Variants in SCN2A observed in about 807,000 individuals in gnomAD.
SCN2A encodes the protein sodium voltage-gated channel alpha subunit 2.
A neutral mutation model predicts 188.7 loss-of-function variants in SCN2A; 20 were observed. The ratio of observed to expected loss-of-function variants is 0.11; its 90% CI spans 0.07 to 0.15. SCN2A has a LOEUF of 0.15. Among genes scored for constraint, SCN2A ranks in the 10% least tolerant of loss-of-function variants. The probability of loss-of-function intolerance (pLI) is 1.00; values close to 1 mark genes in which losing one functional copy is unlikely to be tolerated. For synonymous variants in SCN2A, 804 were observed against 833.1 expected (o/e 0.97, Z 0.60); for missense variants, 1,278 against 2,445.0 (o/e 0.52, Z 10.07).
intron 26 of SCN2A, among the ~76,000 whole-genome samples, chr2:165,387,947 C>A (rs922362783): frequency 6.6e-6 from 1 of 152,074 alleles, no homozygotes; most frequent in African/African-American, 2.4e-5. Context: ...AGAGAAGTTA[C>A]CTCAGCTCTC....
At chr2:165,333,769 A>C (rs879192435) in intron 14 of SCN2A, among the ~76,000 whole-genome samples, 2 of 151,694 alleles carry the variant, frequency 1.3e-5, no homozygotes, top group Admixed American at 1.3e-4. Flanking sequence ...ACCTGAAGTT[A>C]ACAGAAAAGA....
At chr2:165,358,436 A>T (rs1700287691) in intron 17 of SCN2A, among the ~76,000 whole-genome samples, 1 of 152,166 alleles carries the variant, frequency 6.6e-6, no homozygotes, top group Admixed American at 6.6e-5. Context: ...TATAATATTT[A>T]TCTGCTTCAT....
chr2:165,309,301 AC>A (rs1697305505), intron 5 of SCN2A, 50 bp from the exon 6 acceptor site: 1 of 1,613,364 alleles, frequency 6.2e-7, no homozygotes, highest in African/African-American at 1.3e-5. Context: ...TATATCTCCA[AC>A]TGTTTCTTGT....
Position 165,341,605 on chromosome 2 carries a change from G to A in SCN2A, c.2389-691G>A, listed in dbSNP as rs1699325152. On this transcript the variant is annotated intron_variant, in intron 14 of 26. Coordinates refer to ENST00000375437, the MANE Select transcript of SCN2A (RefSeq NM_001040142.2). ...GAAGAGAAAGGCAAAGCACAGTTAC[G>A]GATGTAAGTAGTCTAGTAGATAAAG... Among the ~76,000 whole-genome samples the A allele has an allele frequency of 2.6e-5, 4 of 152,284 alleles. No individual in the cohort carries two copies. The South Asian group carries it at 8.3e-4, about 32-fold the overall frequency.
Position 165,389,817 on chromosome 2 carries a change from A to C in SCN2A, c.6011A>C (p.Lys2004Thr). Residue 2004 changes from lysine to threonine, a missense_variant, in exon 27 of 27, where the codon AAA becomes ACA. Around this residue, in one of 17 missense-constraint regions of SCN2A, gnomAD observed 109 missense variants for 137.9 expected, o/e 0.79. Coordinates refer to ENST00000375437, the MANE Select transcript of SCN2A (RefSeq NM_001040142.2). The surrounding 1 kb of genome is among the most constrained non-coding windows in gnomAD (Gnocchi z 4.2). ...AAAGGGAAAGATATCAGGGAAAGTA[A>C]AAAGTAAAAAGAAACCAAGAATTTT... Reference protein sequence around the residue: ...EDKGKDIRESKK With the variant: ...EDKGKDIRESTK 6.2e-7 allele frequency: 1 copy of C among 1,606,524 alleles called. No homozygotes were observed. The highest frequency in any genetic ancestry group is 8.5e-7 in the Non-Finnish European group (1 of 1,176,180).
At chr2:165,250,133 A>T (rs1201027742) in intron 1 of SCN2A, among the ~76,000 whole-genome samples, 1 of 152,008 alleles carries the variant, frequency 6.6e-6, no homozygotes, top group Non-Finnish European at 1.5e-5. Flanking sequence ...ATTGTGTACT[A>T]TATAAGGACA....
At chr2:165,365,075 CTAAT>C in intron 17 of SCN2A, 64 bp from the exon 18 acceptor site, 4 of 1,404,918 alleles carry the variant, frequency 2.8e-6, no homozygotes, top group Non-Finnish European at 3.9e-6. Context: ...GGGGGCACAC[CTAAT>C]TAATTTTTAT....
Position 165,342,277 on chromosome 2 carries a change from A to C in SCN2A, c.2389-19A>C, listed in dbSNP as rs1699360468. 1 of 1,607,512 alleles carries C rather than the reference A, an allele frequency of 6.2e-7. No homozygotes were observed. Among genetic ancestry groups the C allele is most frequent in the African/African-American group, 1.3e-5 (1 of 74,770 alleles). On this transcript the variant is annotated intron_variant, in intron 14 of 26. Coordinates refer to ENST00000375437, the MANE Select transcript of SCN2A (RefSeq NM_001040142.2). The stretch of plus-strand genomic sequence containing the variant: ...TTCAAGAGTATTTGCTCATATAATG[A>C]ACTACACTTCTCATTTAGGTCTTCA...
At chr2:165,313,598 C>G (rs1697563336) in intron 8 of SCN2A, 22 bp from the exon 9 acceptor site, 2 of 1,612,960 alleles carry the variant, frequency 1.2e-6, no homozygotes, top group African/African-American at 2.7e-5. Context: ...GACTTCCTTT[C>G]TTTCCTCTAA....
At chr2:165,303,715 A>G (rs1483790507) in intron 3 of SCN2A, among the ~76,000 whole-genome samples, 1 of 152,146 alleles carries the variant, frequency 6.6e-6, no homozygotes, top group African/African-American at 2.4e-5. Context: ...ATTTAGAGAT[A>G]CCTATCAAAC....
At chr2:165,365,082 A>G in intron 17 of SCN2A, 61 bp from the exon 18 acceptor site, 1 of 1,490,062 alleles carries the variant, frequency 6.7e-7, no homozygotes, top group Non-Finnish European at 9.2e-7. Flanking sequence ...CACCTAATTA[A>G]TTTTTATATT....
chr2:165,272,285 G>GA (rs1235733212), intron 1 of SCN2A: 1 of 151,684 alleles, frequency 6.6e-6, no homozygotes, highest in Non-Finnish European at 1.5e-5. Flanking sequence ...TTTTATTGGG[G>GA]AAAAAAAGGC....
chr2:165,362,562 T>C (rs1406558739), intron 17 of SCN2A, among the ~76,000 whole-genome samples: 1 of 152,096 alleles, frequency 6.6e-6, no homozygotes, highest in Non-Finnish European at 1.5e-5. Flanking sequence ...TAGCAATTCA[T>C]TCATTCATTC....
intron 3 of SCN2A, among the ~76,000 whole-genome samples, chr2:165,297,679 C>T (rs548441779): frequency 2.0e-5 from 3 of 152,230 alleles, no homozygotes; most frequent in Non-Finnish European, 4.4e-5. Flanking sequence ...AAATTTGTTT[C>T]GCAACAGCCT....
chr2:165,307,405 C>T (rs924183452), intron 3 of SCN2A, among the ~76,000 whole-genome samples: 3 of 152,134 alleles, frequency 2.0e-5, no homozygotes, highest in Admixed American at 6.6e-5. Context: ...TAGAAAGGAC[C>T]TTATTATAAG....
chr2:165,265,549 C>G (rs189007874), intron 1 of SCN2A, among the ~76,000 whole-genome samples: 10 of 112,948 alleles, frequency 8.9e-5, no homozygotes, highest in African/African-American at 2.7e-4. Flanking sequence ...TTAATTAGAT[C>G]ATAATCTTTT....
chr2:165,310,252 C>A, intron 6 of SCN2A, 71 bp from the exon 7 acceptor site: 8 of 1,473,310 alleles, frequency 5.4e-6, no homozygotes, highest in Non-Finnish European at 5.7e-6. Context: ...AGGACAAGCT[C>A]ATGATATTTT....
Position 165,391,404 on chromosome 2 carries a change from A to T in SCN2A, c.*1580A>T, listed in dbSNP as rs1702117091. 2 of 152,552 alleles carry T rather than the reference A, an allele frequency of 1.3e-5. No individual in the cohort carries two copies. The highest frequency in any genetic ancestry group is 1.3e-4 in the Admixed American group (2 of 15,234). 9.4% of individuals were successfully genotyped at this position (152,552 alleles called of 1,614,324 possible). On this transcript the variant is annotated 3_prime_UTR_variant, in exon 27 of 27. Coordinates refer to ENST00000375437, the MANE Select transcript of SCN2A (RefSeq NM_001040142.2). ...AAAAGTTCATTTTATTTTATTTTTC[A>T]GCCTTTTGTACGTAAAATGAGAAAT...
rs184299652 is a variant in SCN2A, at chr2:165,265,295, T to G, written c.-52+25655T>G. ...ATTGTTGGCCACATGCATTTCTTCTTTTGAGAAGTGTCTGTTCATGTCCAT... is the reference window on the plus strand; with the variant it reads ...ATTGTTGGCCACATGCATTTCTTCTGTTGAGAAGTGTCTGTTCATGTCCAT... On this transcript the variant is annotated intron_variant, in intron 1 of 26. Coordinates refer to ENST00000375437, the MANE Select transcript of SCN2A (RefSeq NM_001040142.2). Among the ~76,000 whole-genome samples, 476 of 151,508 alleles carry G rather than the reference T, an allele frequency of 3.1e-3. 2 individuals are homozygous for G. The highest frequency in any genetic ancestry group is 0.011 in the African/African-American group (461 of 41,360).
Sources: gnomAD v4.1 joint callset for allele counts (sites outside exome capture counted in the v4.1 genomes callset) on GRCh38, gnomAD v4.1.1 for gene constraint, gnomAD v4.1.1 regional missense constraint, Gnocchi (gnomAD v3.1) non-coding constraint, MANE v1.5 for transcripts, NCBI Gene and HGNC (gene_info 2026-07-23, HGNC 2026-07-21) for gene names.